The following PCDHA2 variants were observed in gnomAD, a reference collection of about 807,000 sequenced individuals.
PCDHA2 encodes protocadherin alpha 2, also known as protocadherin alpha-2.
A neutral mutation model predicts 66.0 loss-of-function variants in PCDHA2; 58 were observed. The ratio of observed to expected loss-of-function variants is 0.88; its 90% CI spans 0.71 to 1.09. The LOEUF is 1.09. PCDHA2 is among the 50% of genes least tolerant of loss of function. The probability of loss-of-function intolerance (pLI) is 0.00; values close to 1 mark genes in which losing one functional copy is unlikely to be tolerated. For missense variants in PCDHA2, 1,267 were observed against 1,242.3 expected (o/e 1.02, Z -0.30); for synonymous variants, 634 against 554.0 (o/e 1.14, Z -2.03).
At chr5:140,801,604 C>T (rs371019133) in intron 1 of PCDHA2, 2 of 1,614,158 alleles carry the variant, frequency 1.2e-6, no homozygotes, top group Non-Finnish European at 1.7e-6. Context: ...TTTCCAATGG[C>T]TGTAAAGAAT....
chr5:140,857,209 T>C (rs2044423092), intron 1 of PCDHA2: 1 of 1,598,580 alleles, frequency 6.3e-7, no homozygotes, highest in South Asian at 1.1e-5. Flanking sequence ...TCACCTGCTC[T>C]CTGACGCCTC....
chr5:140,807,373 C>T (rs781951265), intron 1 of PCDHA2: 3 of 1,607,262 alleles, frequency 1.9e-6, no homozygotes, highest in Non-Finnish European at 2.5e-6. Context: ...TGGTGCCGCG[C>T]CTGTTCCGGG....
chr5:140,961,728 A>G (rs2095632104), intron 1 of PCDHA2, among the ~76,000 whole-genome samples: 1 of 152,192 alleles, frequency 6.6e-6, no homozygotes, highest in East Asian at 1.9e-4. Context: ...GCTCATAAAC[A>G]ATCACTTTAG....
At chr5:140,926,583 G>C in intron 1 of PCDHA2, 1 of 279,462 alleles carries the variant, frequency 3.6e-6, no homozygotes, top group Non-Finnish European at 6.6e-6. Context: ...AGCACCTCTC[G>C]CGCCCGGGCG....
At chr5:140,926,131 A>G (rs2082931602) in intron 1 of PCDHA2, among the ~76,000 whole-genome samples, 1 of 152,076 alleles carries the variant, frequency 6.6e-6, no homozygotes, top group Non-Finnish European at 1.5e-5. Context: ...TTCAACCCGC[A>G]GCAGGATCCA....
intron 1 of PCDHA2, chr5:140,875,761 G>T (rs373515339): frequency 8.7e-6 from 14 of 1,614,236 alleles, no homozygotes; most frequent in Non-Finnish European, 1.1e-5. Context: ...GAAGCTGTGC[G>T]GGCGGAGCGC....
Position 140,822,756 on chromosome 5 carries a change from C to T in PCDHA2, c.2388+25404C>T, listed in dbSNP as rs1030859419. The T allele has an allele frequency of 8.1e-6, 13 of 1,613,646 alleles. No homozygotes were observed. The Admixed American group carries it at 8.3e-5, about 10-fold the overall frequency. ...TTGATGCCATGGATAAAAGTACATTCCCATTATCAGGACACTGTAAAGTAG... is the reference window on the plus strand; with the variant it reads ...TTGATGCCATGGATAAAAGTACATTTCCATTATCAGGACACTGTAAAGTAG... On this transcript the variant is annotated intron_variant, in intron 1 of 3. Transcript: ENST00000526136.
At chr5:140,997,302 G>A (rs1430183310) in intron 3 of PCDHA2, among the ~76,000 whole-genome samples, 2 of 152,154 alleles carry the variant, frequency 1.3e-5, no homozygotes, top group Non-Finnish European at 2.9e-5. Flanking sequence ...GATACACTGA[G>A]AAATGTGTCT....
intron 3 of PCDHA2, among the ~76,000 whole-genome samples, chr5:141,009,180 T>C (rs1272195338): frequency 6.6e-6 from 1 of 152,170 alleles, no homozygotes; most frequent in Non-Finnish European, 1.5e-5. Context: ...CTTGGCTGGG[T>C]GTGGTAGCTC....
intron 1 of PCDHA2, among the ~76,000 whole-genome samples, chr5:140,904,934 G>A (rs1181903303): frequency 6.6e-6 from 1 of 152,110 alleles, no homozygotes; most frequent in Non-Finnish European, 1.5e-5. Context: ...GTAGGTTCTG[G>A]ATATTAGTCC....
At chr5:140,846,652 G>T (rs910062577) in intron 1 of PCDHA2, among the ~76,000 whole-genome samples, 4 of 149,138 alleles carry the variant, frequency 2.7e-5, no homozygotes, top group African/African-American at 9.8e-5. Context: ...GGGATTACAG[G>T]CATGAGCCAC....
chr5:140,797,054 A>C lies in PCDHA2; in HGVS notation c.2090A>C (p.Asn697Thr). The C allele has an allele frequency of 1.9e-6, 3 of 1,613,748 alleles. No homozygotes were observed. Among genetic ancestry groups the C allele is most frequent in the Non-Finnish European group, 2.5e-6 (3 of 1,179,968 alleles). The change falls in exon 1 of 4, where the codon AAC becomes ACC. Residue 697 changes from asparagine (N) to threonine (T), a missense_variant. Transcript: ENST00000526136. ...TCAGAGGCTACGCTGGTGGATGTCA[A>C]CGTGTACCTGATCATCGCCATCTGC... Reference protein sequence around the residue: ...AGSEATLVDVNVYLIIAICAV... With the variant: ...AGSEATLVDVTVYLIIAICAV...
intron 1 of PCDHA2, chr5:140,829,303 C>T: frequency 1.2e-6 from 2 of 1,614,248 alleles, no homozygotes; most frequent in Non-Finnish European, 1.7e-6. Context: ...TCAAGAATTA[C>T]TACTCGTTGG....
rs373952073 is a variant in PCDHA2, at chr5:140,809,404, G to T, written c.2388+12052G>T. 25 of 1,614,214 alleles carry T rather than the reference G, an allele frequency of 1.5e-5. No individual in the cohort carries two copies. In the African/African-American group the frequency reaches 1.6e-4, roughly 10 times the overall value. On this transcript the variant is annotated intron_variant, in intron 1 of 3. Coordinates refer to ENST00000526136, the MANE Select transcript of PCDHA2 (RefSeq NM_018905.3). The stretch of plus-strand genomic sequence containing the variant: ...CGTGCGCTCCGGGCAAGCCCACGCT[G>T]GTGTGCTCCAGTGCGGTGGGGAGCT...
In PCDHA2 at chr5:140,797,142, AC is replaced by A. The variant is rs782705532; in HGVS notation, c.2181del (p.Thr728ProfsTer67). On this transcript the variant is annotated frameshift_variant, in exon 1 of 4. Coordinates refer to ENST00000526136, the MANE Select transcript of PCDHA2 (RefSeq NM_018905.3). LOFTEE classifies it high-confidence loss of function. ...ACACTGCGCTGCGGTGCTCGGTGCC[AC>A]CCACCGAGGGTGCGCGCGCGCCAGG... Reference protein sequence around the residue: ...LYTALRCSVPPTEGARAPGKP... With the variant: ...LYTALRCSVPXTEGARAPGKP... The A allele has an allele frequency of 6.2e-7, 1 of 1,613,904 alleles. No individual in the cohort carries two copies. Among genetic ancestry groups the A allele is most frequent in the South Asian group, 1.1e-5 (1 of 91,078 alleles).
At chr5:140,928,452 G>T in intron 1 of PCDHA2, 3 of 1,614,126 alleles carry the variant, frequency 1.9e-6, no homozygotes, top group Non-Finnish European at 2.5e-6. Flanking sequence ...AGCTCAGGGG[G>T]TTTCATTTCC....
At chr5:140,829,536 C>T (rs1554132056) in intron 1 of PCDHA2, 1 of 1,613,152 alleles carries the variant, frequency 6.2e-7, no homozygotes, top group Non-Finnish European at 8.5e-7. Context: ...GCGCGAGACG[C>T]GGACGCGCAG....
In PCDHA2 at chr5:140,869,461, A is replaced by G. The variant is rs372195509; in HGVS notation, c.2388+72109A>G. ...CAGGCCGCTGCAGGTTTTCCATGTG[A>G]ACGTGGAGGTGAAGGACATTAACGA... On this transcript the variant is annotated intron_variant, in intron 1 of 3. Transcript: ENST00000526136. 5.8e-5 allele frequency: 94 copies of G among 1,614,148 alleles called. No homozygotes were observed. In the African/African-American group the frequency reaches 7.9e-4, roughly 13 times the overall value.
At chr5:140,970,280 C>G (rs1445871505) in intron 1 of PCDHA2, among the ~76,000 whole-genome samples, 3 of 152,138 alleles carry the variant, frequency 2.0e-5, no homozygotes, top group East Asian at 1.9e-4. Flanking sequence ...TGTAAAGTAG[C>G]CTTTTCAAGT....
Sources: gnomAD v4.1 joint callset for allele counts (sites outside exome capture counted in the v4.1 genomes callset) on GRCh38, gnomAD v4.1.1 for gene constraint, MANE v1.5 for transcripts, NCBI Gene and HGNC (gene_info 2026-07-23, HGNC 2026-07-21) for gene names.